Variants in CDKN2A observed in about 807,000 individuals in gnomAD.
CDKN2A encodes cyclin dependent kinase inhibitor 2A.
Under a neutral mutation model 11.1 loss-of-function variants are expected in CDKN2A, and 3 were observed. The observed-to-expected ratio is 0.27, with a 90% CI of 0.12 to 0.70. The LOEUF (loss-of-function observed/expected upper bound fraction) is 0.70. CDKN2A is among the 30% of genes least tolerant of loss of function. CDKN2A has a pLI of 0.77. For synonymous variants in CDKN2A, 122 were observed against 108.1 expected (o/e 1.13, Z -0.80); for missense variants, 265 against 233.6 (o/e 1.13, Z -0.88).
At chr9:21,970,088 T>C in intron 2 of CDKN2A, 1 of 287,960 alleles carries the variant, frequency 3.5e-6, no homozygotes, top group Non-Finnish European at 6.4e-6. Context: ...AAAAAAAATG[T>C]TCCTCCCCCC....
In CDKN2A at chr9:21,974,741, C is replaced by G. The variant is rs540871544; in HGVS notation, c.87G>C (p.Arg29=). The change falls in exon 1 of 3, where the codon CGG becomes CGC. Residue 29 remains arginine (R), a synonymous_variant. Coordinates refer to ENST00000304494, the MANE Select transcript of CDKN2A (RefSeq NM_000077.5). This position sits in a 1 kb window ranked among gnomAD's most constrained non-coding sequence, Gnocchi z 5.2. ...GCAGCGCCCCCGCCTCCAGCAGCGC[C>G]CGCACCTCCTCTACCCGACCCCGGG... The part of the protein sequence containing the change: ...AAARGRVEEV[R]ALLEAGALPN... 6.2e-7 allele frequency: 1 copy of G among 1,612,530 alleles called. No individual in the cohort carries two copies. The highest frequency in any genetic ancestry group is 1.7e-5 in the Admixed American group (1 of 60,014).
rs59038922 is a variant in CDKN2A, at chr9:21,981,160, GTA to G, written c.-3-9954_-3-9953del. ...TATACGTGTATATATATATATACGT[GTA>G]TATATATATATACGTGTATATATAT... On this transcript the variant is annotated intron_variant, in intron 2 of 3. Transcript: ENST00000494262. Among the ~76,000 whole-genome samples, 39 of 3,026 alleles carry G rather than the reference GTA, an allele frequency of 0.013. 18 individuals are homozygous for G. The East Asian group carries it at 0.89, about 69-fold the overall frequency. 2.0% of individuals were successfully genotyped at this position (3,026 alleles called of 152,430 possible). A position where few individuals can be genotyped will look rare whatever the true frequency, so the allele number is the denominator to read the frequency against.
chr9:21,987,721 C>G (rs555989879), intron 2 of CDKN2A, among the ~76,000 whole-genome samples: 1 of 152,254 alleles, frequency 6.6e-6, no homozygotes, highest in South Asian at 2.1e-4. Flanking sequence ...ACTGATTACT[C>G]AGACTCTCCT....
At position 21,990,611 on chromosome 9, in the gene CDKN2A, TGAGAGAGAGAGAGA is replaced by T. The variant is rs60431211; in HGVS notation, c.-4+3257_-4+3270del. 9.8e-3 allele frequency among the ~76,000 whole-genome samples: 876 copies of T among 89,760 alleles called. 12 individuals are homozygous for T. The highest frequency in any genetic ancestry group is 0.031 in the African/African-American group (814 of 26,284). 58.9% of individuals were successfully genotyped at this position (89,760 alleles called of 152,430 possible). A position where few individuals can be genotyped will look rare whatever the true frequency, so the allele number is the denominator to read the frequency against. ...GCGGAAACCATTATAACTAATTTGG[TGAGAGAGAGAGAGA>T]GAGAGAGAGAGAGAGAGAGAGAGAG... On this transcript the variant is annotated intron_variant, in intron 2 of 3. Transcript: ENST00000494262.
rs1819520598 is a variant in CDKN2A at position 21,968,495 on chromosome 9, CAG to C, written c.458-255_458-254del. 1 of 1,455,238 alleles carries C rather than the reference CAG, an allele frequency of 6.9e-7. No individual in the cohort carries two copies. Among genetic ancestry groups the C allele is most frequent in the Non-Finnish European group, 9.0e-7 (1 of 1,111,204 alleles). 90.1% of individuals were successfully genotyped at this position (1,455,238 alleles called of 1,614,324 possible). ...CGCTCCAGGTCCACCCGGCGGAGGG[CAG>C]AGAAAGCGCGACCGCGCGGCCCGCA... is the stretch of plus-strand genomic sequence containing the variant. On this transcript the variant is annotated intron_variant, in intron 2 of 2. Coordinates refer to ENST00000304494, the MANE Select transcript of CDKN2A (RefSeq NM_000077.5). The surrounding 1 kb of genome is among the most constrained non-coding windows in gnomAD (Gnocchi z 4.7).
chr9:21,968,854 C>A lies in CDKN2A; in HGVS notation c.458-612G>T, dbSNP rs1325686484. 3 of 1,387,866 alleles carry A rather than the reference C, an allele frequency of 2.2e-6. No homozygotes were observed. The highest frequency in any genetic ancestry group is 2.0e-6 in the Non-Finnish European group (2 of 1,012,248). The allele number at this position is 1,387,866 out of a possible 1,614,324, so 86.0% of individuals were successfully genotyped here. ...ATCTCGTTGCGTATGGGCTCCAGCT[C>A]GCCGTTCGGTTCTCCCGAGGCAGCA... On this transcript the variant is annotated intron_variant, in intron 2 of 2. Coordinates refer to ENST00000304494, the MANE Select transcript of CDKN2A (RefSeq NM_000077.5). The surrounding 1 kb of genome is among the most constrained non-coding windows in gnomAD (Gnocchi z 4.7).
rs2131081751 is a variant in CDKN2A, at chr9:21,968,704, C to T, written c.458-462G>A. 3 of 1,536,150 alleles carry T rather than the reference C, an allele frequency of 2.0e-6. No homozygotes were observed. The highest frequency in any genetic ancestry group is 1.7e-6 in the Non-Finnish European group (2 of 1,146,894). Reference sequence around the variant, plus strand: ...GGGCGCCTCAGGCTCTGGCGCTCCTCGGCGGAATCCCGTAGCTTCCCTACG... The same window carrying T: ...GGGCGCCTCAGGCTCTGGCGCTCCTTGGCGGAATCCCGTAGCTTCCCTACG... On this transcript the variant is annotated intron_variant, in intron 2 of 2. Transcript: ENST00000304494. The surrounding 1 kb of genome is among the most constrained non-coding windows in gnomAD (Gnocchi z 4.7).
At chr9:21,993,848 T>TG in intron 2 of CDKN2A, 1 of 487,886 alleles carries the variant, frequency 2.0e-6, no homozygotes, top group Non-Finnish European at 3.7e-6. Flanking sequence ...TGTGTGTGTC[T>TG]TAGTCATTCC....
intron 2 of CDKN2A, chr9:21,992,207 G>T (rs1820444672): frequency 2.2e-6 from 2 of 921,412 alleles, no homozygotes; most frequent in Non-Finnish European, 2.6e-6. Flanking sequence ...TTTAGCACTT[G>T]TGCCTCTCAA....
intron 2 of CDKN2A, among the ~76,000 whole-genome samples, chr9:21,986,405 G>A (rs1009131016): frequency 2.6e-5 from 4 of 151,842 alleles, no homozygotes; most frequent in African/African-American, 2.4e-5. Context: ...TGACTTATAC[G>A]GCTGATGCTT....
intron 2 of CDKN2A, chr9:21,989,638 C>G (rs1030380900): frequency 4.6e-5 from 7 of 152,206 alleles, no homozygotes; most frequent in Non-Finnish European, 1.0e-4. Flanking sequence ...ACTCACTTTT[C>G]ATCTACCCAT....
chr9:21,980,703 T>C (rs1361222180), intron 2 of CDKN2A, among the ~76,000 whole-genome samples: 4 of 151,740 alleles, frequency 2.6e-5, no homozygotes, highest in Non-Finnish European at 5.9e-5. Context: ...CTCACGCCTG[T>C]AATCCCAGCA....
intron 2 of CDKN2A, among the ~76,000 whole-genome samples, chr9:21,986,429 G>A (rs948493783): frequency 2.0e-5 from 3 of 151,860 alleles, no homozygotes; most frequent in African/African-American, 7.2e-5. Flanking sequence ...TATAGTAGAG[G>A]CCCAAAGGGG....
At chr9:21,969,539 G>GTAAGA (rs1819590023) in intron 2 of CDKN2A, 1 of 390,300 alleles carries the variant, frequency 2.6e-6, no homozygotes, top group Non-Finnish European at 4.5e-6. Flanking sequence ...AAGGAAGGGA[G>GTAAGA]GAGGGAAGAA....
chr9:21,992,875 A>G (rs924356102), intron 2 of CDKN2A, among the ~76,000 whole-genome samples: 4 of 152,186 alleles, frequency 2.6e-5, no homozygotes, highest in Non-Finnish European at 4.4e-5. Flanking sequence ...CAATGTTTCA[A>G]AATGAATTAA....
At chr9:21,983,768 T>C (rs1001868574) in intron 2 of CDKN2A, among the ~76,000 whole-genome samples, 2 of 152,050 alleles carry the variant, frequency 1.3e-5, no homozygotes, top group Non-Finnish European at 2.9e-5. Context: ...GCTACTTAAT[T>C]GGACTTAATG....
intron 2 of CDKN2A, chr9:21,970,340 A>G (rs989115546): frequency 1.7e-4 from 44 of 257,560 alleles, no homozygotes; most frequent in African/African-American, 9.0e-4. Context: ...ATGTCCCCAG[A>G]ACCCCCTGGG....
intron 2 of CDKN2A, among the ~76,000 whole-genome samples, chr9:21,990,638 G>GAGAGAGAGAGAGAA (rs1820409205): frequency 6.6e-6 from 1 of 150,826 alleles, no homozygotes; most frequent in Non-Finnish European, 1.5e-5. Context: ...GAGAGAGAGA[G>GAGAGAGAGAGAGAA]AGAGAGAGAG....
upstream of CDKN2A, among the ~76,000 whole-genome samples, chr9:21,978,749 A>T (rs747752065): frequency 2.0e-5 from 3 of 152,208 alleles, no homozygotes; most frequent in Non-Finnish European, 4.4e-5. Context: ...TCATTCAACA[A>T]GCTCAGAAAC....
Sources: gnomAD v4.1 joint callset for allele counts (sites outside exome capture counted in the v4.1 genomes callset) on GRCh38, gnomAD v4.1.1 for gene constraint, Gnocchi (gnomAD v3.1) non-coding constraint, MANE v1.5 for transcripts, NCBI Gene and HGNC (gene_info 2026-07-23, HGNC 2026-07-21) for gene names.